Variants in ERC2 observed in about 807,000 individuals in gnomAD.
ERC2 encodes the protein ELKS/RAB6-interacting/CAST family member 2.
In ERC2, 42 loss-of-function variants were observed where a neutral mutation model predicts 114.8. The observed-to-expected ratio is 0.37, with a 90% CI of 0.29 to 0.47. The LOEUF is 0.47. ERC2 is among the 20% of genes least tolerant of loss of function. ERC2 has a pLI of 0.99. For synonymous variants in ERC2, 454 were observed against 425.5 expected (o/e 1.07, Z -0.82); for missense variants, 939 against 1,150.7 (o/e 0.82, Z 2.66).
chr3:56,286,282 C>T (rs190496383), intron 3 of ERC2, among the ~76,000 whole-genome samples: 289 of 151,928 alleles, frequency 1.9e-3, no homozygotes, highest in Non-Finnish European at 3.2e-3. Context: ...AATGTGGTGT[C>T]GCATGCCTGT....
intron 3 of ERC2, among the ~76,000 whole-genome samples, chr3:56,282,035 T>C (rs1438864705): frequency 1.3e-5 from 2 of 152,212 alleles, no homozygotes; most frequent in Non-Finnish European, 2.9e-5. Flanking sequence ...ATAAATGATA[T>C]TTGCTGAGCC....
chr3:55,790,435 C>G (rs1301294358), intron 14 of ERC2, among the ~76,000 whole-genome samples: 1 of 152,182 alleles, frequency 6.6e-6, no homozygotes. Flanking sequence ...CACCCTCATC[C>G]CGTCAGCACT....
At chr3:55,846,684 T>TCC (rs150775566) in intron 14 of ERC2, among the ~76,000 whole-genome samples, 12,287 of 131,350 alleles carry the variant, frequency 0.094, 765 homozygotes, top group African/African-American at 0.21. Flanking sequence ...TCTCTCTCTC[T>TCC]CTCTCTCTTT....
chr3:55,828,588 C>A (rs1254788199), intron 14 of ERC2, among the ~76,000 whole-genome samples: 1 of 151,730 alleles, frequency 6.6e-6, no homozygotes, highest in Non-Finnish European at 1.5e-5. Flanking sequence ...GAAGTGAATC[C>A]TGGAGGGAAA....
chr3:55,984,053 T>G (rs1415991004), intron 12 of ERC2, among the ~76,000 whole-genome samples: 3 of 152,208 alleles, frequency 2.0e-5, no homozygotes. Context: ...CAGAGATGAT[T>G]ATTCACAATG....
chr3:55,585,897 G>C (rs558280292), intron 17 of ERC2, among the ~76,000 whole-genome samples: 2 of 152,176 alleles, frequency 1.3e-5, no homozygotes, highest in Admixed American at 1.3e-4. Flanking sequence ...TAAACAAAGC[G>C]AGGCAGAGCA....
At chr3:56,158,079 GC>G (rs36098094) in intron 4 of ERC2, among the ~76,000 whole-genome samples, 70,440 of 152,002 alleles carry the variant, frequency 0.46, 16,642 homozygotes, top group East Asian at 0.68. Context: ...TTTAAACTTT[GC>G]AAGAATGTCA....
At chr3:55,767,287 C>T (rs2067866277) in intron 14 of ERC2, among the ~76,000 whole-genome samples, 1 of 152,178 alleles carries the variant, frequency 6.6e-6, no homozygotes, top group African/African-American at 2.4e-5. Flanking sequence ...AGGGTGCCAG[C>T]TTCCAAGTCA....
At chr3:55,897,492 A>G (rs1404058537) in intron 13 of ERC2, among the ~76,000 whole-genome samples, 1 of 152,202 alleles carries the variant, frequency 6.6e-6, no homozygotes, top group East Asian at 1.9e-4. Flanking sequence ...AGAGGATGGC[A>G]GTTTTCAGTT....
intron 14 of ERC2, among the ~76,000 whole-genome samples, chr3:55,769,448 T>G (rs1349292063): frequency 6.6e-6 from 1 of 151,910 alleles, no homozygotes; most frequent in Non-Finnish European, 1.5e-5. Context: ...TCACAGGGTC[T>G]CTGTCTGGGT....
chr3:55,817,597 C>T (rs995551122), intron 14 of ERC2, among the ~76,000 whole-genome samples: 21 of 152,220 alleles, frequency 1.4e-4, no homozygotes, highest in African/African-American at 4.8e-4. Context: ...TCCCAAACCT[C>T]GGTTGAGGCA....
chr3:55,583,539 TCC>T (rs1559693501), intron 17 of ERC2, among the ~76,000 whole-genome samples: 114 of 44,236 alleles, frequency 2.6e-3, no homozygotes, highest in Admixed American at 4.4e-3. Context: ...CTTCCTTCCT[TCC>T]TTTCTTCCTT....
At chr3:55,999,523 T>G (rs1019083390) in intron 10 of ERC2, among the ~76,000 whole-genome samples, 3 of 151,868 alleles carry the variant, frequency 2.0e-5, no homozygotes, top group African/African-American at 7.2e-5. Context: ...ATACTATAAT[T>G]CACCAAAAAT....
At chr3:55,856,336 G>A (rs546087660) in intron 14 of ERC2, among the ~76,000 whole-genome samples, 5 of 152,248 alleles carry the variant, frequency 3.3e-5, no homozygotes, top group Admixed American at 2.0e-4. Context: ...AAGACCAAAC[G>A]ATAAACTATA....
At chr3:56,380,360 G>A (rs951266732) in intron 2 of ERC2, among the ~76,000 whole-genome samples, 21 of 151,754 alleles carry the variant, frequency 1.4e-4, no homozygotes, top group South Asian at 2.1e-4. Context: ...ACAAGTTCTC[G>A]TCTCATCTCC....
intron 17 of ERC2, among the ~76,000 whole-genome samples, chr3:55,654,727 G>A (rs1277136042): frequency 6.6e-6 from 1 of 152,230 alleles, no homozygotes; most frequent in Admixed American, 6.5e-5. Flanking sequence ...GGAGACCGGA[G>A]GCATGTGTTG....
At chr3:55,892,146 T>C (rs913762767) in intron 13 of ERC2, among the ~76,000 whole-genome samples, 3 of 152,204 alleles carry the variant, frequency 2.0e-5, no homozygotes, top group East Asian at 1.9e-4. Flanking sequence ...AGTGAGATGA[T>C]GTAGCCCATA....
chr3:56,091,669 G>T (rs1576895930), intron 6 of ERC2, among the ~76,000 whole-genome samples: 2 of 152,296 alleles, frequency 1.3e-5, no homozygotes, highest in East Asian at 3.9e-4. Flanking sequence ...TGTGTAAGGA[G>T]AGGACATCGA....
At chr3:56,287,723 G>A (rs2150338994) in intron 3 of ERC2, among the ~76,000 whole-genome samples, 1 of 152,342 alleles carries the variant, frequency 6.6e-6, no homozygotes, top group Admixed American at 6.5e-5. Flanking sequence ...GAAGTGGTTA[G>A]GAACAAGGTA....
Sources: allele counts gnomAD v4.1 joint callset (sites outside exome capture counted in the v4.1 genomes callset), GRCh38; gene constraint gnomAD v4.1.1; transcripts MANE v1.5; gene names NCBI Gene and HGNC (gene_info 2026-07-23, HGNC 2026-07-21).